The following PTCH1 variants were observed in gnomAD, a reference collection of about 807,000 sequenced individuals.
The protein encoded by PTCH1 is protein patched homolog 1.
In PTCH1, 14 loss-of-function variants were observed where a neutral mutation model predicts 144.6. The observed-to-expected ratio is 0.10, with a 90% CI of 0.06 to 0.15. The LOEUF is 0.15. Ranked by LOEUF, PTCH1 falls within the 10% of genes least tolerant of loss-of-function variation. PTCH1 has a pLI of 1.00. For synonymous variants in PTCH1, 833 were observed against 793.6 expected (o/e 1.05, Z -0.83); for missense variants, 1,623 against 1,948.3 (o/e 0.83, Z 3.14).
At chr9:95,482,070 G>A (rs759404033) in intron 4 of PTCH1, 30 bp from the exon 5 acceptor site, 11 of 1,610,342 alleles carry the variant, frequency 6.8e-6, no homozygotes, top group Admixed American at 6.7e-5. Context: ...GAGGCCATGC[G>A]TTAGGTTAAG....
chr9:95,485,148 G>C (rs539325308), intron 3 of PTCH1, among the ~76,000 whole-genome samples: 1 of 152,272 alleles, frequency 6.6e-6, no homozygotes, highest in East Asian at 1.9e-4. Flanking sequence ...AGAGGTTGCA[G>C]TGAGCCGAGA....
At chr9:95,509,633 G>T (rs986411765), upstream of PTCH1, among the ~76,000 whole-genome samples, 6 of 152,218 alleles carry the variant, frequency 3.9e-5, no homozygotes, top group Non-Finnish European at 8.8e-5. Flanking sequence ...ACGAACATTT[G>T]CCTCGCGGTA....
rs545008159 is a variant in PTCH1, at chr9:95,504,498, C to T, written c.394+1909G>A. ...CCACAAAATCACGTTTTGTCATCCT[C>T]ATCCGATGGCAACAAATACAGGTTG... On this transcript the variant is annotated intron_variant, in intron 2 of 23. Transcript: ENST00000331920. 3.3e-5 allele frequency among the ~76,000 whole-genome samples: 5 copies of T among 152,364 alleles called. No homozygotes were observed. In the South Asian group the frequency reaches 8.3e-4, roughly 25 times the overall value.
intron 2 of PTCH1, among the ~76,000 whole-genome samples, chr9:95,502,758 G>A (rs1792723122): frequency 6.6e-6 from 1 of 151,944 alleles, no homozygotes; most frequent in Admixed American, 6.6e-5. Flanking sequence ...TTCTCATCTA[G>A]CATATATTAG....
At chr9:95,480,235 C>G in intron 6 of PTCH1, 145 bp from the exon 7 acceptor site, 3 of 1,520,920 alleles carry the variant, frequency 2.0e-6, no homozygotes, top group South Asian at 1.1e-5. Flanking sequence ...AATCTTACAG[C>G]AAAATTTAGC....
At chr9:95,486,994 G>T (rs992608982) in intron 2 of PTCH1, among the ~76,000 whole-genome samples, 4 of 152,208 alleles carry the variant, frequency 2.6e-5, no homozygotes, top group Non-Finnish European at 5.9e-5. Context: ...AAAACTCAGT[G>T]ATCATAGCTT....
chr9:95,453,075 G>C (rs1339257309), intron 20 of PTCH1: 2 of 324,012 alleles, frequency 6.2e-6, no homozygotes, highest in African/African-American at 4.3e-5. Context: ...ACGATGACGA[G>C]GTGCTGCAAT....
intron 2 of PTCH1, among the ~76,000 whole-genome samples, chr9:95,487,903 G>A (rs80320326): frequency 1.3e-3 from 192 of 152,272 alleles, no homozygotes; most frequent in Admixed American, 4.4e-3. Flanking sequence ...GGTGACCTAG[G>A]TGCCGTTATA....
At chr9:95,515,209 A>T (rs1406972732) in intron 1 of PTCH1, among the ~76,000 whole-genome samples, 1 of 152,234 alleles carries the variant, frequency 6.6e-6, no homozygotes, top group African/African-American at 2.4e-5. Flanking sequence ...AATAAATAAA[A>T]ACCTAAAAGA....
Position 95,508,559 on chromosome 9 carries a change from TGCGGCCGCG to T in PTCH1, c.-207_-199del, listed in dbSNP as rs1299148597. The stretch of plus-strand genomic sequence containing the variant: ...CTCACACGGCGGGCGCTGCTGCCGC[TGCGGCCGCG>T]GCCGCTGCCGGGGAGTCAGACCCTG... On this transcript the variant is annotated 5_prime_UTR_variant, in exon 1 of 24. Coordinates refer to ENST00000331920, the MANE Select transcript of PTCH1 (RefSeq NM_000264.5). 258 of 1,004,700 alleles carry T rather than the reference TGCGGCCGCG, an allele frequency of 2.6e-4. No individual in the cohort carries two copies. The highest frequency in any genetic ancestry group is 8.3e-4 in the South Asian group (18 of 21,720). The allele number at this position is 1,004,700 out of a possible 1,614,324, so 62.2% of individuals were successfully genotyped here.
chr9:95,486,695 A>G (rs915257129), intron 2 of PTCH1, among the ~76,000 whole-genome samples: 2 of 152,276 alleles, frequency 1.3e-5, no homozygotes, highest in Non-Finnish European at 2.9e-5. Context: ...GCAGGTGACC[A>G]AAGAAAACCA....
chr9:95,482,193 A>G lies in PTCH1; in HGVS notation c.595T>C (p.Leu199=), dbSNP rs2118474956. The change falls in exon 4 of 24, where the codon TTG becomes CTG. Residue 199 remains leucine, a synonymous_variant. Transcript: ENST00000331920. ...HVYMYNRQWK[L]EHLCYKSGEL... is the part of the protein sequence containing the mutation. ...CCTGATTTGTAACACAAATGTTCCAATTTCCACTGCCTAATAAAATGAAAA... is the reference window on the plus strand; with the variant it reads ...CCTGATTTGTAACACAAATGTTCCAGTTTCCACTGCCTAATAAAATGAAAA... The G allele has an allele frequency of 6.2e-7, 1 of 1,614,006 alleles. No homozygotes were observed. The highest frequency in any genetic ancestry group is 8.5e-7 in the Non-Finnish European group (1 of 1,179,896).
At chr9:95,468,655 TAAGGAA>T in intron 14 of PTCH1, 90 bp downstream of exon 14, 1 of 1,504,056 alleles carries the variant, frequency 6.6e-7, no homozygotes, top group Non-Finnish European at 9.1e-7. Context: ...TTTTTTTTTT[TAAGGAA>T]AAAGAAGAAA....
At chr9:95,454,421 T>C (rs551069678) in intron 19 of PTCH1, among the ~76,000 whole-genome samples, 36 of 152,316 alleles carry the variant, frequency 2.4e-4, no homozygotes, top group African/African-American at 8.4e-4. Context: ...ATCCCTTACC[T>C]ACCTGCAGAA....
intron 2 of PTCH1, among the ~76,000 whole-genome samples, chr9:95,501,266 G>T (rs191050311): frequency 3.3e-5 from 5 of 151,016 alleles, no homozygotes; most frequent in African/African-American, 1.2e-4. Flanking sequence ...GGGTGCTACT[G>T]GCATCTAGTA....
chr9:95,449,045 C>T lies in PTCH1; in HGVS notation c.3804+24G>A, dbSNP rs1838201690. 4 of 1,613,250 alleles carry T rather than the reference C, an allele frequency of 2.5e-6. No homozygotes were observed. In the South Asian group the frequency reaches 3.3e-5, roughly 13 times the overall value. ...ACTACCACGGTGGGAAGACCCCTCC[C>T]CCTGGTTCTGCAGAGTCACTTACAG... is the stretch of plus-strand genomic sequence containing the variant. On this transcript the variant is annotated intron_variant, in intron 22 of 23. Transcript: ENST00000331920. This position sits in a 1 kb window ranked among gnomAD's most constrained non-coding sequence, Gnocchi z 5.3.
In PTCH1 at chr9:95,504,553, T is replaced by A. The variant is rs139039573; in HGVS notation, c.394+1854A>T. Among the ~76,000 whole-genome samples the A allele has an allele frequency of 1.5e-3, 234 of 152,272 alleles. 3 individuals carry two copies. The highest frequency in any genetic ancestry group is 5.3e-3 in the African/African-American group (219 of 41,532). ...AAGTGGTGGATGAGCCGGCCCTCCC[T>A]GTGCTCATGCCCTATTCTGTCCAAG... On this transcript the variant is annotated intron_variant, in intron 2 of 23. Transcript: ENST00000331920.
In PTCH1 at chr9:95,453,120, C is replaced by G. The variant is rs1469113962; in HGVS notation, c.3449+358G>C. 1.1e-5 allele frequency: 4 copies of G among 349,310 alleles called. No individual in the cohort carries two copies. In the East Asian group the frequency reaches 2.2e-4, roughly 19 times the overall value. The allele number at this position is 349,310 out of a possible 1,614,324, so 21.6% of individuals were successfully genotyped here. A position where few individuals can be genotyped will look rare whatever the true frequency, so the allele number is the denominator to read the frequency against. ...ACAGAAGGAAATAAGCAACGAAGAT[C>G]ACCTGAGCTAATAACAATATTTTTT... On this transcript the variant is annotated intron_variant, in intron 20 of 23. Coordinates refer to ENST00000331920, the MANE Select transcript of PTCH1 (RefSeq NM_000264.5).
chr9:95,508,119 G>A (rs1843878081), intron 1 of PTCH1, 42 bp downstream of exon 1: 7 of 1,608,904 alleles, frequency 4.4e-6, no homozygotes, highest in Non-Finnish European at 5.9e-6. Flanking sequence ...CAAAGAGTTA[G>A]AGGAGGGAAG....
Sources: allele counts gnomAD v4.1 joint callset (sites outside exome capture counted in the v4.1 genomes callset), GRCh38; gene constraint gnomAD v4.1.1; non-coding constraint Gnocchi (gnomAD v3.1); transcripts MANE v1.5; gene names NCBI Gene and HGNC (gene_info 2026-07-23, HGNC 2026-07-21).